Variants in LSAMP observed in about 807,000 individuals in gnomAD.
LSAMP encodes limbic system associated membrane protein, also known as limbic system-associated membrane protein.
LSAMP carries 7 observed loss-of-function variants against 38.6 expected under a neutral mutation model. The ratio of observed to expected loss-of-function variants is 0.18; its 90% CI spans 0.10 to 0.34. The LOEUF (loss-of-function observed/expected upper bound fraction) is 0.34. LSAMP is among the 10% of genes least tolerant of loss of function. The probability of loss-of-function intolerance (pLI) is 1.00; values close to 1 mark genes in which losing one functional copy is unlikely to be tolerated. For missense variants in LSAMP, 313 were observed against 420.0 expected, an observed-to-expected ratio of 0.75 and a Z score of 2.23; for synonymous variants, 154 against 166.8, an observed-to-expected ratio of 0.92 and a Z score of 0.59.
intron 1 of LSAMP, among the ~76,000 whole-genome samples, chr3:116,422,673 G>A (rs2049143479): frequency 6.6e-6 from 1 of 152,128 alleles, no homozygotes; most frequent in South Asian, 2.1e-4. Flanking sequence ...GATGATGGCT[G>A]CAAAACTCTG....
intron 3 of LSAMP, among the ~76,000 whole-genome samples, chr3:115,996,173 A>T (rs1939809555): frequency 6.6e-6 from 1 of 152,136 alleles, no homozygotes. Flanking sequence ...ATTGATATCA[A>T]TTTGAGGGAC....
At chr3:115,981,420 T>G (rs1237805164) in intron 3 of LSAMP, among the ~76,000 whole-genome samples, 1 of 151,976 alleles carries the variant, frequency 6.6e-6, no homozygotes, top group Non-Finnish European at 1.5e-5. Flanking sequence ...GACAGTATGA[T>G]CTTTAAAAAA....
chr3:116,289,659 G>A (rs969252319), intron 1 of LSAMP, among the ~76,000 whole-genome samples: 3 of 152,086 alleles, frequency 2.0e-5, no homozygotes, highest in African/African-American at 7.2e-5. Context: ...GAGTGCCTCG[G>A]TGGTAAGATC....
intron 1 of LSAMP, among the ~76,000 whole-genome samples, chr3:116,188,214 C>T (rs1352167316): frequency 6.6e-6 from 1 of 152,062 alleles, no homozygotes; most frequent in South Asian, 2.1e-4. Flanking sequence ...ACTTAGTGAT[C>T]GTGCTATGTA....
chr3:116,024,587 CT>C (rs1041432314), intron 2 of LSAMP, among the ~76,000 whole-genome samples: 16 of 152,068 alleles, frequency 1.1e-4, no homozygotes, highest in African/African-American at 3.6e-4. Flanking sequence ...GTCTTTGTTT[CT>C]TTTTCTGTGA....
At chr3:116,118,772 G>A (rs1708809947) in intron 1 of LSAMP, among the ~76,000 whole-genome samples, 1 of 152,310 alleles carries the variant, frequency 6.6e-6, no homozygotes, top group Admixed American at 6.5e-5. Context: ...AGGAAGCCAA[G>A]TCAGGACTCA....
Position 115,917,510 on chromosome 3 carries a change from C to T in LSAMP, c.515-64893G>A, listed in dbSNP as rs1486629817. Reference sequence around the variant, plus strand: ...AACTTACTTTTACTTTTACTTTTTCCTACTCTCAGAAACTGCATAACTCAT... The same window carrying T: ...AACTTACTTTTACTTTTACTTTTTCTTACTCTCAGAAACTGCATAACTCAT... On this transcript the variant is annotated intron_variant, in intron 3 of 6. Transcript: ENST00000490035. Among the ~76,000 whole-genome samples the T allele has an allele frequency of 2.6e-5, 4 of 152,140 alleles. No individual in the cohort carries two copies. The South Asian group carries it at 8.3e-4, about 31-fold the overall frequency.
At chr3:116,442,621 A>G (rs1451799740) in intron 1 of LSAMP, among the ~76,000 whole-genome samples, 1 of 152,194 alleles carries the variant, frequency 6.6e-6, no homozygotes, top group Non-Finnish European at 1.5e-5. Flanking sequence ...ATGAAGCTCC[A>G]CCAACCCCAA....
chr3:115,968,974 G>A (rs1385091006), intron 3 of LSAMP, among the ~76,000 whole-genome samples: 2 of 152,180 alleles, frequency 1.3e-5, no homozygotes, highest in South Asian at 2.1e-4. Flanking sequence ...GCAGTGAAAA[G>A]CAGCACTGAG....
At chr3:115,842,175 CA>C (rs1935018723) in intron 5 of LSAMP, among the ~76,000 whole-genome samples, 182 bp from the exon 6 acceptor site, 1 of 152,144 alleles carries the variant, frequency 6.6e-6, no homozygotes, top group Admixed American at 6.5e-5. Flanking sequence ...TGTCCATCAA[CA>C]GAGAAAACTA....
In LSAMP at chr3:115,893,296, TAAAG is replaced by T. The variant is rs142286729; in HGVS notation, c.515-40683_515-40680del. Among the ~76,000 whole-genome samples, 842 of 152,078 alleles carry T rather than the reference TAAAG, an allele frequency of 5.5e-3. 11 individuals are homozygous for T. Among genetic ancestry groups the T allele is most frequent in the African/African-American group, 0.019 (796 of 41,522 alleles). On this transcript the variant is annotated intron_variant, in intron 3 of 6. Coordinates refer to ENST00000490035, the MANE Select transcript of LSAMP (RefSeq NM_002338.5). ...ATGTATCCCAGAACCTAAAGTATAA[TAAAG>T]AAATCAACAAGAATAAATAACTTTT...
chr3:116,111,171 C>T (rs918693097), intron 1 of LSAMP, among the ~76,000 whole-genome samples: 2 of 152,156 alleles, frequency 1.3e-5, no homozygotes, highest in Admixed American at 6.5e-5. Context: ...GCCATCTGGG[C>T]ATATACGTGC....
At chr3:115,828,068 G>T (rs1273414148) in intron 6 of LSAMP, among the ~76,000 whole-genome samples, 1 of 152,188 alleles carries the variant, frequency 6.6e-6, no homozygotes, top group African/African-American at 2.4e-5. Context: ...CAGATAGGTG[G>T]GATAAGGGCT....
chr3:116,324,710 A>G (rs1270229774), intron 1 of LSAMP, among the ~76,000 whole-genome samples: 1 of 152,124 alleles, frequency 6.6e-6, no homozygotes, highest in Non-Finnish European at 1.5e-5. Context: ...GCACTTTCTC[A>G]TGAGCTAAGA....
chr3:116,188,665 C>T (rs192376896), intron 1 of LSAMP, among the ~76,000 whole-genome samples: 64 of 152,252 alleles, frequency 4.2e-4, no homozygotes, highest in Admixed American at 1.5e-3. Flanking sequence ...TCCTGGGAAA[C>T]GGGATAAGAA....
intron 1 of LSAMP, among the ~76,000 whole-genome samples, chr3:116,107,687 C>A (rs1362676660): frequency 1.3e-5 from 2 of 152,100 alleles, no homozygotes; most frequent in Non-Finnish European, 2.9e-5. Context: ...TGAAGCCTTG[C>A]GGCAGTACAG....
At chr3:116,097,151 T>C (rs1708241885) in intron 1 of LSAMP, among the ~76,000 whole-genome samples, 1 of 152,226 alleles carries the variant, frequency 6.6e-6, no homozygotes, top group Non-Finnish European at 1.5e-5. Flanking sequence ...ATTCCACAGC[T>C]ATTTGAAGAA....
intron 1 of LSAMP, among the ~76,000 whole-genome samples, chr3:116,162,676 TTCTCTCTC>T (rs140973794): frequency 9.5e-5 from 14 of 148,130 alleles, no homozygotes; most frequent in South Asian, 2.1e-4. Context: ...TCTTCACTGG[TTCTCTCTC>T]TCTCTCTCTC....
chr3:116,297,099 T>TACAA (rs2047346661), intron 1 of LSAMP, among the ~76,000 whole-genome samples: 1 of 152,204 alleles, frequency 6.6e-6, no homozygotes, highest in East Asian at 1.9e-4. Context: ...CTATGGAGTC[T>TACAA]ACAAACAAAA....
Sources: allele counts gnomAD v4.1 joint callset (sites outside exome capture counted in the v4.1 genomes callset), GRCh38; gene constraint gnomAD v4.1.1; transcripts MANE v1.5; gene names NCBI Gene and HGNC (gene_info 2026-07-23, HGNC 2026-07-21).